The following INPP4B variants were observed in gnomAD, a reference collection of about 807,000 sequenced individuals.
INPP4B encodes inositol polyphosphate 4-phosphatase type II.
A neutral mutation model predicts 122.5 loss-of-function variants in INPP4B; 55 were observed. The observed-to-expected ratio is 0.45, with a 90% CI of 0.36 to 0.56. The LOEUF is 0.56. Ranked by LOEUF, INPP4B falls within the 20% of genes least tolerant of loss-of-function variation. The pLI, the probability that INPP4B is intolerant of heterozygous loss-of-function variation, is 0.00. For missense variants in INPP4B, 1,000 were observed against 1,097.7 expected (o/e 0.91, Z 1.26); for synonymous variants, 403 against 388.7 (o/e 1.04, Z -0.43).
intron 7 of INPP4B, among the ~76,000 whole-genome samples, chr4:142,357,861 T>G (rs548333939): frequency 1.3e-5 from 2 of 152,176 alleles, no homozygotes; most frequent in South Asian, 4.1e-4. Flanking sequence ...GTGAAAGATG[T>G]AAAATATTCA....
intron 1 of INPP4B, among the ~76,000 whole-genome samples, chr4:142,783,139 G>T (rs1435013567): frequency 6.6e-6 from 1 of 152,028 alleles, no homozygotes; most frequent in Non-Finnish European, 1.5e-5. Flanking sequence ...AAAAGCAATG[G>T]CAACAAAAGC....
At chr4:142,723,653 A>C (rs1193147436) in intron 2 of INPP4B, among the ~76,000 whole-genome samples, 2 of 152,162 alleles carry the variant, frequency 1.3e-5, no homozygotes, top group Non-Finnish European at 2.9e-5. Flanking sequence ...CCATTGCCAG[A>C]ATTAATCCTA....
At chr4:142,585,799 T>C (rs1736045938) in intron 2 of INPP4B, among the ~76,000 whole-genome samples, 1 of 151,584 alleles carries the variant, frequency 6.6e-6, no homozygotes, top group Non-Finnish European at 1.5e-5. Flanking sequence ...GTATAAGAGA[T>C]TAGAGACAAT....
intron 2 of INPP4B, among the ~76,000 whole-genome samples, chr4:142,476,236 T>G (rs1335797196): frequency 6.6e-6 from 1 of 152,186 alleles, no homozygotes; most frequent in Admixed American, 6.5e-5. Context: ...TTAGCCAAAC[T>G]AAGCTTCATA....
intron 2 of INPP4B, among the ~76,000 whole-genome samples, chr4:142,502,071 A>T (rs1458969108): frequency 6.6e-6 from 1 of 152,198 alleles, no homozygotes; most frequent in Non-Finnish European, 1.5e-5. Flanking sequence ...AGCTAAGGAC[A>T]TCAGATTTGT....
At chr4:142,288,799 G>A (rs1755042028) in intron 9 of INPP4B, among the ~76,000 whole-genome samples, 1 of 152,006 alleles carries the variant, frequency 6.6e-6, no homozygotes, top group Non-Finnish European at 1.5e-5. Flanking sequence ...GTATAATGGG[G>A]ATAATAATAT....
chr4:142,677,603 C>T (rs1224576587), intron 2 of INPP4B, among the ~76,000 whole-genome samples: 1 of 152,084 alleles, frequency 6.6e-6, no homozygotes, highest in East Asian at 1.9e-4. Flanking sequence ...AAATGCCCAT[C>T]AATGATAGTC....
intron 2 of INPP4B, among the ~76,000 whole-genome samples, chr4:142,571,880 C>G (rs78985600): frequency 0.012 from 1,876 of 152,004 alleles, 12 homozygotes; most frequent in Middle Eastern, 0.027. Flanking sequence ...TTTAGCAGTG[C>G]CTGGTATATA....
At chr4:142,040,557 A>G (rs1250828704) in intron 25 of INPP4B, among the ~76,000 whole-genome samples, 2 of 152,218 alleles carry the variant, frequency 1.3e-5, no homozygotes, top group Non-Finnish European at 2.9e-5. Flanking sequence ...TTTGAAAGAA[A>G]TGAAACAACA....
chr4:142,452,442 T>C (rs1005086380), intron 3 of INPP4B, among the ~76,000 whole-genome samples: 1 of 152,320 alleles, frequency 6.6e-6, no homozygotes, highest in East Asian at 1.9e-4. Context: ...AAAGTGAAGA[T>C]GGGAACACAT....
intron 7 of INPP4B, among the ~76,000 whole-genome samples, chr4:142,323,018 T>C (rs1274911860): frequency 1.3e-5 from 2 of 152,236 alleles, no homozygotes; most frequent in African/African-American, 2.4e-5. Context: ...CTAAGTCCTA[T>C]GAAGAATCTT....
chr4:142,034,208 G>A (rs1742326317), intron 25 of INPP4B, among the ~76,000 whole-genome samples: 2 of 152,128 alleles, frequency 1.3e-5, no homozygotes, highest in African/African-American at 2.4e-5. Flanking sequence ...TAAGGCAGTA[G>A]TTTACAACCA....
At chr4:142,063,079 A>T (rs535293756) in intron 25 of INPP4B, among the ~76,000 whole-genome samples, 15 of 152,230 alleles carry the variant, frequency 9.9e-5, no homozygotes, top group Non-Finnish European at 1.8e-4. Flanking sequence ...TTTTATATGT[A>T]AGAATGTTGA....
chr4:142,060,961 T>C (rs139557574), intron 25 of INPP4B, among the ~76,000 whole-genome samples: 460 of 152,312 alleles, frequency 3.0e-3, no homozygotes, highest in African/African-American at 0.01. Flanking sequence ...AAATGAAGAC[T>C]GCATTGAGAA....
rs543421736 is a variant in INPP4B, at chr4:142,228,695, A to T, written c.836+9169T>A. Among the ~76,000 whole-genome samples the T allele has an allele frequency of 5.9e-5, 9 of 152,072 alleles. No homozygotes were observed. The East Asian group carries it at 1.7e-3, about 29-fold the overall frequency. ...TTTCTAAGTACAATAGAAAAAATAC[A>T]CATGCAATTTTATAATAAAAATAAA... is the stretch of plus-strand genomic sequence containing the variant. On this transcript the variant is annotated intron_variant, in intron 12 of 25. Coordinates refer to ENST00000262992, the MANE Select transcript of INPP4B (RefSeq NM_001101669.3).
At chr4:142,316,645 T>C (rs1216653045) in intron 7 of INPP4B, among the ~76,000 whole-genome samples, 2 of 152,166 alleles carry the variant, frequency 1.3e-5, no homozygotes, top group Non-Finnish European at 2.9e-5. Context: ...CACTTAAATT[T>C]ACAAATAAAG....
In INPP4B at chr4:142,295,515, T is replaced by G. The variant is rs563121725; in HGVS notation, c.503+9943A>C. On this transcript the variant is annotated intron_variant, in intron 9 of 25. Transcript: ENST00000262992. ...CACACATTTCTTTGAAAAATACATT[T>G]TTGTTGTTCTTCTAAATCAGCATTT... 3.3e-5 allele frequency among the ~76,000 whole-genome samples: 5 copies of G among 152,322 alleles called. No homozygotes were observed. The South Asian group carries it at 1.0e-3, about 32-fold the overall frequency.
intron 7 of INPP4B, chr4:142,383,742 C>G: frequency 4.1e-6 from 1 of 246,672 alleles, no homozygotes; most frequent in East Asian, 7.8e-5. Context: ...ATATAAGCTT[C>G]AAGGATAATC....
Position 142,067,823 on chromosome 4 carries a change from G to A in INPP4B, c.2642+14208C>T, listed in dbSNP as rs537715098. Among the ~76,000 whole-genome samples the A allele has an allele frequency of 1.4e-4, 22 of 152,212 alleles. No homozygotes were observed. In the South Asian group the frequency reaches 2.9e-3, roughly 20 times the overall value. ...ACGAACGAAGCCTCCAAGAACTATC[G>A]GACTATGTGAAAAGACCAAATCTAT... On this transcript the variant is annotated intron_variant, in intron 25 of 25. Transcript: ENST00000262992.
Sources: allele counts gnomAD v4.1 joint callset (sites outside exome capture counted in the v4.1 genomes callset), GRCh38; gene constraint gnomAD v4.1.1; transcripts MANE v1.5; gene names NCBI Gene and HGNC (gene_info 2026-07-23, HGNC 2026-07-21).